CCDC85A: variants seen among roughly 807,000 people sequenced by gnomAD.
CCDC85A encodes coiled-coil domain-containing protein 85A.
A neutral mutation model predicts 50.2 loss-of-function variants in CCDC85A; 38 were observed. The observed-to-expected ratio is 0.76, with a 90% CI of 0.58 to 0.99. The LOEUF (loss-of-function observed/expected upper bound fraction) is 0.99. Ranked by LOEUF, CCDC85A falls within the 50% of genes least tolerant of loss-of-function variation. The pLI, the probability that CCDC85A is intolerant of heterozygous loss-of-function variation, is 0.00. For missense variants in CCDC85A, 820 were observed against 742.0 expected (o/e 1.11, Z -1.22); for synonymous variants, 366 against 301.4 (o/e 1.21, Z -2.22).
intron 2 of CCDC85A, among the ~76,000 whole-genome samples, chr2:56,332,025 C>G (rs1227814220): frequency 6.6e-6 from 1 of 152,236 alleles, no homozygotes; most frequent in Admixed American, 6.5e-5. Context: ...TTGCACACAG[C>G]TGTGCCTGCT....
intron 1 of CCDC85A, among the ~76,000 whole-genome samples, chr2:56,191,241 C>G (rs1461647341): frequency 6.6e-6 from 1 of 152,178 alleles, no homozygotes; most frequent in Non-Finnish European, 1.5e-5. Context: ...CCTTCCAGAA[C>G]TTCTCACTGC....
intron 3 of CCDC85A, among the ~76,000 whole-genome samples, chr2:56,365,423 C>T (rs1251355905): frequency 6.6e-6 from 1 of 152,124 alleles, no homozygotes; most frequent in East Asian, 1.9e-4. Flanking sequence ...TATTAACATG[C>T]TTCTAATCCA....
intron 2 of CCDC85A, among the ~76,000 whole-genome samples, chr2:56,313,934 G>T (rs116555228): frequency 1.7e-4 from 26 of 149,238 alleles, no homozygotes; most frequent in Non-Finnish European, 3.1e-4. Flanking sequence ...GATACCAGGA[G>T]ATAGTGTTGT....
At chr2:56,308,929 G>C (rs758359851) in intron 2 of CCDC85A, among the ~76,000 whole-genome samples, 16 of 152,190 alleles carry the variant, frequency 1.1e-4, no homozygotes, top group Non-Finnish European at 1.8e-4. Context: ...AGTGAGCTGG[G>C]AAAAGTGAGG....
At position 56,346,911 on chromosome 2, in the gene CCDC85A, T is replaced by C. The variant is rs554328289; in HGVS notation, c.1317+3956T>C. ...AGTTCCACTGCATGGATATGTGATG[T>C]GATGTGAACCTCAAACAAAAATCGT... On this transcript the variant is annotated intron_variant, in intron 3 of 5. Coordinates refer to ENST00000407595, the MANE Select transcript of CCDC85A (RefSeq NM_001080433.2). 1.3e-5 allele frequency among the ~76,000 whole-genome samples: 2 copies of C among 152,358 alleles called. 1 individual carries two copies. The highest frequency in any genetic ancestry group is 4.1e-4 in the South Asian group (2 of 4,834).
chr2:56,279,022 G>T (rs141598131), intron 2 of CCDC85A, among the ~76,000 whole-genome samples: 56 of 152,320 alleles, frequency 3.7e-4, no homozygotes, highest in Non-Finnish European at 7.2e-4. Flanking sequence ...CATTCTTGAG[G>T]TGGCCCAAGG....
intron 2 of CCDC85A, among the ~76,000 whole-genome samples, chr2:56,288,141 A>G (rs920365881): frequency 2.6e-5 from 4 of 152,162 alleles, no homozygotes; most frequent in African/African-American, 9.7e-5. Context: ...ATTATTCATT[A>G]CAGAGGGATG....
chr2:56,365,229 C>A (rs574452958), intron 3 of CCDC85A, among the ~76,000 whole-genome samples: 63 of 152,276 alleles, frequency 4.1e-4, no homozygotes, highest in African/African-American at 1.5e-3. Flanking sequence ...TCAATCTCAG[C>A]CATTATTTGG....
At chr2:56,341,587 G>C (rs765407791) in intron 2 of CCDC85A, among the ~76,000 whole-genome samples, 2 of 152,150 alleles carry the variant, frequency 1.3e-5, no homozygotes, top group Non-Finnish European at 2.9e-5. Context: ...ATGAAGAAGA[G>C]TTACTATCAG....
chr2:56,313,334 A>T (rs1259541456), intron 2 of CCDC85A, among the ~76,000 whole-genome samples: 1 of 152,164 alleles, frequency 6.6e-6, no homozygotes, highest in African/African-American at 2.4e-5. Context: ...ATTATAAAGC[A>T]GTATTAACTA....
intron 2 of CCDC85A, among the ~76,000 whole-genome samples, chr2:56,335,194 C>A (rs541306478): frequency 6.6e-6 from 1 of 152,154 alleles, no homozygotes; most frequent in African/African-American, 2.4e-5. Context: ...GGAGGCTGAC[C>A]TTTGCTTGCC....
intron 2 of CCDC85A, among the ~76,000 whole-genome samples, chr2:56,242,036 A>G (rs1415984039): frequency 1.3e-5 from 2 of 152,140 alleles, no homozygotes; most frequent in African/African-American, 4.8e-5. Flanking sequence ...ATAGAGTGAG[A>G]TGGTCTCTCA....
intron 3 of CCDC85A, among the ~76,000 whole-genome samples, chr2:56,354,179 A>G (rs1335147667): frequency 6.6e-6 from 1 of 152,240 alleles, no homozygotes; most frequent in Non-Finnish European, 1.5e-5. Context: ...AGAAAATGCT[A>G]AAAAGTTAAC....
chr2:56,300,073 A>G (rs1672131506), intron 2 of CCDC85A, among the ~76,000 whole-genome samples: 1 of 152,196 alleles, frequency 6.6e-6, no homozygotes, highest in Non-Finnish European at 1.5e-5. Context: ...ATTCAGAAAC[A>G]GAGAGTACAC....
chr2:56,302,489 C>G (rs1168696259), intron 2 of CCDC85A, among the ~76,000 whole-genome samples: 1 of 152,042 alleles, frequency 6.6e-6, no homozygotes, highest in African/African-American at 2.4e-5. Context: ...TTTTCTGTCA[C>G]CTGACAAAGA....
intron 5 of CCDC85A, among the ~76,000 whole-genome samples, chr2:56,383,329 T>G (rs913494445): frequency 2.6e-5 from 4 of 151,952 alleles, no homozygotes; most frequent in Non-Finnish European, 5.9e-5. Context: ...TTTTGCACAA[T>G]CAATCAATCT....
rs115379129 is a variant in CCDC85A at position 56,380,330 on chromosome 2, T to A, written c.1573-3936T>A. Among the ~76,000 whole-genome samples the A allele has an allele frequency of 3.3e-3, 506 of 152,236 alleles. 1 individual carries two copies. Among genetic ancestry groups the A allele is most frequent in the African/African-American group, 0.012 (481 of 41,528 alleles). ...TATGTGTGCTTCATGTCATGCGAAG[T>A]ATTATCTTTAGCTTTCAGTTGTTGA... On this transcript the variant is annotated intron_variant, in intron 5 of 5. Transcript: ENST00000407595.
chr2:56,229,845 C>T (rs1355923316), intron 2 of CCDC85A, among the ~76,000 whole-genome samples: 1 of 152,148 alleles, frequency 6.6e-6, no homozygotes, highest in East Asian at 1.9e-4. Context: ...GATGAATCAG[C>T]TCCAACAAAT....
chr2:56,283,424 G>A (rs957153457), intron 2 of CCDC85A, among the ~76,000 whole-genome samples: 2 of 152,028 alleles, frequency 1.3e-5, no homozygotes, highest in Admixed American at 6.6e-5. Flanking sequence ...GATTCACTTT[G>A]ACTGTTCAAA....
Sources: gnomAD v4.1 joint callset for allele counts (sites outside exome capture counted in the v4.1 genomes callset) on GRCh38, gnomAD v4.1.1 for gene constraint, MANE v1.5 for transcripts, NCBI Gene and HGNC (gene_info 2026-07-23, HGNC 2026-07-21) for gene names.